Variants in WWOX observed in about 807,000 individuals in gnomAD.
The protein encoded by WWOX is WW domain-containing oxidoreductase.
Under a neutral mutation model 46.2 loss-of-function variants are expected in WWOX, and 69 were observed. The ratio of observed to expected loss-of-function variants is 1.49; its 90% CI spans 1.23 to 1.82. The LOEUF is 1.82. Ranked by LOEUF, WWOX falls within the 40% of genes most tolerant of loss-of-function variation. WWOX has a pLI of 0.00. For synonymous variants in WWOX, 359 were observed against 202.6 expected (o/e 1.77, Z -6.56); for missense variants, 919 against 542.6 (o/e 1.69, Z -6.89).
At chr16:78,936,305 A>G (rs575643941) in intron 8 of WWOX, among the ~76,000 whole-genome samples, 1 of 152,162 alleles carries the variant, frequency 6.6e-6, no homozygotes, top group African/African-American at 2.4e-5. Flanking sequence ...CTGCGTCCCA[A>G]GTGGTCCATC....
intron 8 of WWOX, among the ~76,000 whole-genome samples, chr16:79,177,952 A>G (rs984756007): frequency 6.6e-6 from 1 of 152,186 alleles, no homozygotes; most frequent in Non-Finnish European, 1.5e-5. Flanking sequence ...CGGCAGATTC[A>G]GCTTCTGTTG....
intron 8 of WWOX, among the ~76,000 whole-genome samples, chr16:79,019,570 A>AG (rs1289233630): frequency 5.9e-5 from 9 of 151,994 alleles, no homozygotes; most frequent in Non-Finnish European, 1.2e-4. Context: ...CGTCTCTTTT[A>AG]GGGGAAAAAA....
intron 8 of WWOX, among the ~76,000 whole-genome samples, chr16:79,011,279 A>C (rs1055576534): frequency 6.6e-6 from 1 of 151,632 alleles, no homozygotes; most frequent in African/African-American, 2.4e-5. Flanking sequence ...CAACCATTTC[A>C]CATCCACACT....
chr16:78,651,776 G>C (rs2046970961), intron 8 of WWOX, among the ~76,000 whole-genome samples: 1 of 152,204 alleles, frequency 6.6e-6, no homozygotes, highest in Admixed American at 6.5e-5. Flanking sequence ...TTATGCTTTG[G>C]AACGAGACAC....
chr16:79,053,637 G>T (rs577852240), intron 8 of WWOX, among the ~76,000 whole-genome samples: 5 of 152,120 alleles, frequency 3.3e-5, no homozygotes, highest in Non-Finnish European at 5.9e-5. Context: ...TTTCTTTAAT[G>T]TTTTAAATAA....
At chr16:78,631,887 C>T (rs970371686) in intron 8 of WWOX, among the ~76,000 whole-genome samples, 2 of 152,176 alleles carry the variant, frequency 1.3e-5, no homozygotes, top group Admixed American at 6.5e-5. Context: ...ATTGGCACTT[C>T]TGTCTTACAT....
chr16:79,029,693 G>C (rs188894537), intron 8 of WWOX, among the ~76,000 whole-genome samples: 1 of 152,026 alleles, frequency 6.6e-6, no homozygotes. Flanking sequence ...GCATTGATGC[G>C]CTTAATTATG....
chr16:78,831,672 T>G (rs1273798423), intron 8 of WWOX, among the ~76,000 whole-genome samples: 1 of 152,130 alleles, frequency 6.6e-6, no homozygotes, highest in Admixed American at 6.5e-5. Flanking sequence ...TAATACTATT[T>G]CCATTGAGAA....
At chr16:78,911,032 T>G (rs1484589502) in intron 8 of WWOX, among the ~76,000 whole-genome samples, 2 of 152,024 alleles carry the variant, frequency 1.3e-5, no homozygotes, top group Non-Finnish European at 1.5e-5. Flanking sequence ...AATTAAAAAA[T>G]GGCTTTCCCA....
chr16:78,358,013 G>C (rs780143675), intron 5 of WWOX, among the ~76,000 whole-genome samples: 1 of 152,164 alleles, frequency 6.6e-6, no homozygotes, highest in Non-Finnish European at 1.5e-5. Context: ...GTGCATTAGG[G>C]CTGGGTAGAA....
chr16:78,277,098 C>T (rs1206534327), intron 5 of WWOX, among the ~76,000 whole-genome samples: 1 of 152,132 alleles, frequency 6.6e-6, no homozygotes, highest in African/African-American at 2.4e-5. Context: ...GATACATTCT[C>T]TTAACAGAGG....
intron 8 of WWOX, among the ~76,000 whole-genome samples, chr16:79,088,374 C>T (rs905938939): frequency 3.9e-5 from 6 of 152,164 alleles, no homozygotes; most frequent in African/African-American, 1.4e-4. Context: ...GGAGTTGCTC[C>T]CCTGAGACTC....
At position 78,973,473 on chromosome 16, in the gene WWOX, G is replaced by A. The variant is rs893917197; in HGVS notation, c.1057-238135G>A. Reference sequence around the variant, plus strand: ...ATTCTCATATGTTCTTAAAGTATCTGCTGATTTCTTCAAACATCTCTAACA... The same window carrying A: ...ATTCTCATATGTTCTTAAAGTATCTACTGATTTCTTCAAACATCTCTAACA... On this transcript the variant is annotated intron_variant, in intron 8 of 8. Coordinates refer to ENST00000566780, the MANE Select transcript of WWOX (RefSeq NM_016373.4). Among the ~76,000 whole-genome samples the A allele has an allele frequency of 2.2e-4, 34 of 152,156 alleles. 1 individual carries two copies. The highest frequency in any genetic ancestry group is 6.5e-5 in the Admixed American group (1 of 15,274).
chr16:78,746,861 T>C (rs897089375), intron 8 of WWOX, among the ~76,000 whole-genome samples: 3 of 152,112 alleles, frequency 2.0e-5, no homozygotes, highest in African/African-American at 7.2e-5. Flanking sequence ...TTGTGAACCC[T>C]TGAAATTTTG....
At chr16:78,949,746 C>G (rs910394956) in intron 8 of WWOX, among the ~76,000 whole-genome samples, 1 of 152,216 alleles carries the variant, frequency 6.6e-6, no homozygotes, top group Non-Finnish European at 1.5e-5. Context: ...GCAAACACAA[C>G]AAGTAAAAGG....
intron 8 of WWOX, among the ~76,000 whole-genome samples, chr16:79,184,999 T>A (rs758639142): frequency 5.9e-5 from 9 of 152,200 alleles, no homozygotes; most frequent in Non-Finnish European, 1.0e-4. Context: ...ACATTTATGC[T>A]GTTTATAAAA....
intron 4 of WWOX, among the ~76,000 whole-genome samples, chr16:78,118,567 T>A (rs1007997656): frequency 6.6e-6 from 1 of 152,172 alleles, no homozygotes; most frequent in African/African-American, 2.4e-5. Flanking sequence ...GTTGAACTAC[T>A]GTTTGTGTAT....
chr16:78,204,776 G>A (rs962057310), intron 5 of WWOX, among the ~76,000 whole-genome samples: 15 of 152,156 alleles, frequency 9.9e-5, no homozygotes, highest in Admixed American at 3.3e-4. Flanking sequence ...TATGAGGGGA[G>A]GAGAGAAAAG....
intron 5 of WWOX, among the ~76,000 whole-genome samples, chr16:78,205,679 A>G (rs1025947954): frequency 1.3e-5 from 2 of 151,190 alleles, no homozygotes; most frequent in Admixed American, 6.6e-5. Flanking sequence ...TCATACATCC[A>G]TACACATCCA....
Sources: allele counts gnomAD v4.1 joint callset (sites outside exome capture counted in the v4.1 genomes callset), GRCh38; gene constraint gnomAD v4.1.1; transcripts MANE v1.5; gene names NCBI Gene and HGNC (gene_info 2026-07-23, HGNC 2026-07-21).